Variants in CNR1 observed in about 807,000 individuals in gnomAD.
CNR1 encodes cannabinoid receptor 1 (brain).
Under a neutral mutation model 23.0 loss-of-function variants are expected in CNR1, and 10 were observed. That is an observed-to-expected ratio of 0.43 (90% CI 0.27 to 0.74). CNR1 has a LOEUF of 0.74. Ranked by LOEUF, CNR1 falls within the 30% of genes least tolerant of loss-of-function variation. The probability of loss-of-function intolerance (pLI) is 0.19; values close to 1 mark genes in which losing one functional copy is unlikely to be tolerated. For missense variants in CNR1, 422 were observed against 618.8 expected (o/e 0.68, Z 3.37); for synonymous variants, 271 against 255.2 (o/e 1.06, Z -0.59).
chr6:88,150,612 G>T (rs1253050295), intron 1 of CNR1, among the ~76,000 whole-genome samples: 1 of 152,178 alleles, frequency 6.6e-6, no homozygotes, highest in Non-Finnish European at 1.5e-5. Flanking sequence ...GGAGGTTTAG[G>T]TTATCATCTT....
intron 1 of CNR1, among the ~76,000 whole-genome samples, chr6:88,159,277 T>A (rs1187450024): frequency 6.6e-6 from 1 of 152,166 alleles, no homozygotes; most frequent in Admixed American, 6.5e-5. Context: ...AAATACTACA[T>A]CTTAAGAGAT....
In CNR1 at chr6:88,144,894, G is replaced by C. The variant is rs1230070769; in HGVS notation, c.381C>G (p.Gly127=). The C allele has an allele frequency of 6.2e-7, 1 of 1,614,186 alleles. No homozygotes were observed. Among genetic ancestry groups the C allele is most frequent in the South Asian group, 1.1e-5 (1 of 91,076 alleles). Residue 127 remains glycine, a synonymous_variant, in exon 2 of 2, where the codon GGC becomes GGG. Transcript: ENST00000369501. The surrounding 1 kb of genome is among the most constrained non-coding windows in gnomAD (Gnocchi z 7.8). ...LAIAVLSLTL[G]TFTVLENLLV... is the part of the protein sequence containing the mutation. The stretch of plus-strand genomic sequence containing the variant: ...GGAGGTTCTCCAGGACCGTGAAGGT[G>C]CCCAGCGTGAGGGACAGGACTGCAA...
chr6:88,159,328 A>G (rs1246869416), intron 1 of CNR1, among the ~76,000 whole-genome samples: 1 of 152,238 alleles, frequency 6.6e-6, no homozygotes, highest in Non-Finnish European at 1.5e-5. Flanking sequence ...ATTTTGCTGT[A>G]GGCCCAAGTA....
chr6:88,147,880 G>A (rs1392512659), intron 1 of CNR1: 1 of 152,350 alleles, frequency 6.6e-6, no homozygotes, highest in East Asian at 1.9e-4. Flanking sequence ...TGCAACTCTC[G>A]TCTGCCTTCT....
Position 88,144,441 on chromosome 6 carries a change from G to T in CNR1, c.834C>A (p.Phe278Leu). 6.2e-7 allele frequency: 1 copy of T among 1,614,132 alleles called. No homozygotes were observed. The highest frequency in any genetic ancestry group is 1.1e-5 in the South Asian group (1 of 91,076). ...GCAGTACGCTGGTGACCCCGATCCA[G>T]AACATCAGGTAGGTTTCATCAATGT... ...FPHIDETYLM[F>L]WIGVTSVLLL... Residue 278 changes from phenylalanine to leucine, a missense_variant, in exon 2 of 2, where the codon TTC becomes TTA. Phe to Leu is a conservative substitution (Grantham distance 22, BLOSUM62 0). Transcript: ENST00000369501. This position sits in a 1 kb window ranked among gnomAD's most constrained non-coding sequence, Gnocchi z 7.8.
rs766443788 is a variant in CNR1 at position 88,144,362 on chromosome 6, C to T, written c.913G>A (p.Ala305Thr). Residue 305 changes from alanine to threonine, a missense_variant, in exon 2 of 2, where the codon GCC (alanine) becomes ACC (threonine). Physicochemically the swap from Ala to Thr is moderately conservative, Grantham distance 58. Transcript: ENST00000369501. The surrounding 1 kb of genome is among the most constrained non-coding windows in gnomAD (Gnocchi z 7.8). ...GTGCCACGCTGAATCATGCGGACGG[C>T]GTGGCTGTGAGCCTTCCAGAGAATA... ...MYILWKAHSH[A>T]VRMIQRGTQK... is the part of the protein sequence containing the mutation. 2.5e-5 allele frequency: 41 copies of T among 1,613,694 alleles called. No individual in the cohort carries two copies. The East Asian group carries it at 4.9e-4, about 19-fold the overall frequency.
chr6:88,146,002 CCATGGCTGA>C (rs915006127), intron 1 of CNR1, among the ~76,000 whole-genome samples: 5 of 152,112 alleles, frequency 3.3e-5, no homozygotes, highest in African/African-American at 9.7e-5. Flanking sequence ...CTGGACGGAG[CCATGGCTGA>C]CATGACTTCT....
rs1776929314 is a variant in CNR1, at chr6:88,143,273, T to G, written c.*583A>C. On this transcript the variant is annotated 3_prime_UTR_variant, in exon 2 of 2. Transcript: ENST00000369501. Reference sequence around the variant, plus strand: ...AAATATTAAGGTTTATTTCTAAAGTTATATCATGGGCAATAATATAGAAAA... The same window carrying G: ...AAATATTAAGGTTTATTTCTAAAGTGATATCATGGGCAATAATATAGAAAA... 1 of 152,738 alleles carries G rather than the reference T, an allele frequency of 6.5e-6. No individual in the cohort carries two copies. Among genetic ancestry groups the G allele is most frequent in the South Asian group, 2.1e-4 (1 of 4,830 alleles). The allele number at this position is 152,738 out of a possible 1,614,324, so 9.5% of individuals were successfully genotyped here.
chr6:88,143,728 G>C lies in CNR1; in HGVS notation c.*128C>G. 1 of 705,986 alleles carries C rather than the reference G, an allele frequency of 1.4e-6. No homozygotes were observed. The highest frequency in any genetic ancestry group is 2.5e-5 in the East Asian group (1 of 40,472). The allele number at this position is 705,986 out of a possible 1,614,324, so 43.7% of individuals were successfully genotyped here. ...CATTAGCAAACTGATAAGTGATCAT[G>C]GTGACAATCACCTTTTCATTGAGCA... On this transcript the variant is annotated 3_prime_UTR_variant, in exon 2 of 2. Transcript: ENST00000369501.
At position 88,145,122 on chromosome 6, in the gene CNR1, A is replaced by T; in HGVS notation, c.153T>A (p.Thr51=). ...CTTGGAAGGGACTTCCCCTAAAGGA[A>T]GTTAAAGGGAATTTCTGTGGGAAGT... ...LGYFPQKFPL[T]SFRGSPFQEK... Residue 51 remains threonine (T), a synonymous_variant, in exon 2 of 2, where the codon ACT becomes ACA. Coordinates refer to ENST00000369501, the MANE Select transcript of CNR1 (RefSeq NM_016083.6). 3.7e-6 allele frequency: 6 copies of T among 1,614,224 alleles called. No homozygotes were observed. Among genetic ancestry groups the T allele is most frequent in the Non-Finnish European group, 5.1e-6 (6 of 1,180,038 alleles).
At chr6:88,160,001 A>G (rs1271661834) in intron 1 of CNR1, among the ~76,000 whole-genome samples, 1 of 152,138 alleles carries the variant, frequency 6.6e-6, no homozygotes, top group Non-Finnish European at 1.5e-5. Context: ...TTTAAAGATC[A>G]ACCATTATAT....
At chr6:88,146,900 C>T (rs148259724) in intron 1 of CNR1, among the ~76,000 whole-genome samples, 229 of 152,216 alleles carry the variant, frequency 1.5e-3, no homozygotes, top group African/African-American at 5.2e-3. Context: ...ATTAATAATT[C>T]ATTTATTCAT....
rs1389131663 is a variant in CNR1, at chr6:88,141,894, CT to C, written c.*1961del. The C allele has an allele frequency of 3.9e-5, 6 of 152,326 alleles. No homozygotes were observed. The highest frequency in any genetic ancestry group is 7.3e-5 in the Non-Finnish European group (5 of 68,042). The allele number at this position is 152,326 out of a possible 1,614,324, so 9.4% of individuals were successfully genotyped here. A position where few individuals can be genotyped will look rare whatever the true frequency, so the allele number is the denominator to read the frequency against. On this transcript the variant is annotated 3_prime_UTR_variant, in exon 2 of 2. Coordinates refer to ENST00000369501, the MANE Select transcript of CNR1 (RefSeq NM_016083.6). The stretch of plus-strand genomic sequence containing the variant: ...TGCCAGCTCTGTACTTCACTTCAGA[CT>C]ATGTAAACCTTGGGGCCTTGTAGGA...
chr6:88,164,207 A>T (rs1253337506), intron 1 of CNR1: 1 of 152,384 alleles, frequency 6.6e-6, no homozygotes, highest in Non-Finnish European at 1.5e-5. Flanking sequence ...ACCCCCATGG[A>T]CACTGAGAAA....
At chr6:88,155,726 C>T (rs1777756803) in intron 1 of CNR1, among the ~76,000 whole-genome samples, 1 of 152,182 alleles carries the variant, frequency 6.6e-6, no homozygotes, top group African/African-American at 2.4e-5. Flanking sequence ...ACAAAGTATG[C>T]CAATTAACTA....
At chr6:88,147,296 G>C (rs1034207096) in intron 1 of CNR1, among the ~76,000 whole-genome samples, 1 of 152,178 alleles carries the variant, frequency 6.6e-6, no homozygotes, top group Non-Finnish European at 1.5e-5. Context: ...TGGCAACAGA[G>C]CAACATTCTG....
chr6:88,157,641 A>G (rs889278606), intron 1 of CNR1, among the ~76,000 whole-genome samples: 4 of 152,220 alleles, frequency 2.6e-5, no homozygotes, highest in South Asian at 2.1e-4. Flanking sequence ...AGTTCTACTT[A>G]AAACAAATAT....
chr6:88,140,442 C>T lies in CNR1; in HGVS notation c.*3414G>A. On this transcript the variant is annotated 3_prime_UTR_variant, in exon 2 of 2. Transcript: ENST00000369501. ...ATCTGACTTTTTAGAAACCTATTTA[C>T]ATACATTCAGCCCAAATCAGTAGAT... 6.5e-6 allele frequency: 1 copy of T among 152,894 alleles called. No homozygotes were observed. Among genetic ancestry groups the T allele is most frequent in the East Asian group, 1.9e-4 (1 of 5,322 alleles). 9.5% of individuals were successfully genotyped at this position (152,894 alleles called of 1,614,324 possible).
Position 88,145,459 on chromosome 6 carries a change from A to T in CNR1, c.-63-122T>A. ...CTCATTCCTGTCTCTGAACAGTAGG[A>T]GGTCAAGTTCTCATCAGATTCAGTC... On this transcript the variant is annotated intron_variant, in intron 1 of 1. Transcript: ENST00000369501. The T allele has an allele frequency of 5.1e-6, 3 of 588,784 alleles. No individual in the cohort carries two copies. The South Asian group carries it at 6.7e-5, about 13-fold the overall frequency. The allele number at this position is 588,784 out of a possible 1,614,324, so 36.5% of individuals were successfully genotyped here.
Sources: gnomAD v4.1 joint callset for allele counts (sites outside exome capture counted in the v4.1 genomes callset) on GRCh38, gnomAD v4.1.1 for gene constraint, Gnocchi (gnomAD v3.1) non-coding constraint, MANE v1.5 for transcripts, NCBI Gene and HGNC (gene_info 2026-07-23, HGNC 2026-07-21) for gene names.